SORCS3: variants seen among roughly 807,000 people sequenced by gnomAD.
The protein encoded by SORCS3 is VPS10 domain-containing receptor SorCS3.
In SORCS3, 57 loss-of-function variants were observed where a neutral mutation model predicts 146.3. The observed-to-expected ratio is 0.39, with a 90% CI of 0.31 to 0.49. The LOEUF (loss-of-function observed/expected upper bound fraction) is 0.49, where lower values mean the gene tolerates loss of function less well. Among genes scored for constraint, SORCS3 ranks in the 20% least tolerant of loss-of-function variants. The pLI, the probability that SORCS3 is intolerant of heterozygous loss-of-function variation, is 0.92. For synonymous variants in SORCS3, 653 were observed against 618.5 expected, an observed-to-expected ratio of 1.06 and a Z score of -0.83; for missense variants, 1,341 against 1,575.5, an observed-to-expected ratio of 0.85 and a Z score of 2.52.
intron 5 of SORCS3, among the ~76,000 whole-genome samples, chr10:105,053,900 A>G (rs1315334610): frequency 6.6e-6 from 1 of 152,108 alleles, no homozygotes; most frequent in African/African-American, 2.4e-5. Flanking sequence ...AGGATAGACT[A>G]CCAAACTATA....
At chr10:105,172,778 T>C (rs2056370528) in intron 13 of SORCS3, among the ~76,000 whole-genome samples, 1 of 152,224 alleles carries the variant, frequency 6.6e-6, no homozygotes, top group Non-Finnish European at 1.5e-5. Context: ...AGAAGGATGA[T>C]TTCTTTTCTT....
chr10:104,792,695 T>A (rs917705441), intron 1 of SORCS3, among the ~76,000 whole-genome samples: 3 of 152,218 alleles, frequency 2.0e-5, no homozygotes, highest in Non-Finnish European at 2.9e-5. Context: ...TTTGAAAGAT[T>A]TTTTGAAAGA....
At chr10:104,707,664 C>T (rs924064825) in intron 1 of SORCS3, among the ~76,000 whole-genome samples, 1 of 152,200 alleles carries the variant, frequency 6.6e-6, no homozygotes, top group African/African-American at 2.4e-5. Context: ...GATCCTATCC[C>T]ATGCAGGGGT....
At chr10:105,219,707 A>G (rs1198585513) in intron 19 of SORCS3, among the ~76,000 whole-genome samples, 5 of 152,186 alleles carry the variant, frequency 3.3e-5, no homozygotes, top group Non-Finnish European at 7.3e-5. Context: ...TTTGTACCTG[A>G]CATTTTTGCT....
chr10:104,920,664 C>G (rs2019078258), intron 3 of SORCS3, among the ~76,000 whole-genome samples: 1 of 152,198 alleles, frequency 6.6e-6, no homozygotes, highest in Non-Finnish European at 1.5e-5. Context: ...TTCAGCAATT[C>G]TGGGCTTCCT....
chr10:104,895,181 A>G (rs746897657), intron 2 of SORCS3, among the ~76,000 whole-genome samples: 1 of 152,188 alleles, frequency 6.6e-6, no homozygotes, highest in African/African-American at 2.4e-5. Context: ...TTCACCCAGC[A>G]TGCCATTTTT....
At chr10:104,841,389 G>A (rs1045036958) in intron 1 of SORCS3, among the ~76,000 whole-genome samples, 7 of 152,182 alleles carry the variant, frequency 4.6e-5, no homozygotes, top group African/African-American at 1.7e-4. Flanking sequence ...TAGTAGGACA[G>A]GTAGCTTGGT....
intron 6 of SORCS3, among the ~76,000 whole-genome samples, chr10:105,104,051 A>G (rs2055804430): frequency 6.6e-6 from 1 of 151,962 alleles, no homozygotes; most frequent in Non-Finnish European, 1.5e-5. Context: ...TAAAGTACCC[A>G]TAGTTTAATC....
chr10:104,667,711 T>C (rs2015798880), intron 1 of SORCS3, among the ~76,000 whole-genome samples: 1 of 152,268 alleles, frequency 6.6e-6, no homozygotes, highest in African/African-American at 2.4e-5. Flanking sequence ...TGTGTTGTTC[T>C]ACAGCTTGTT....
At chr10:105,147,088 G>A (rs1041555891) in intron 8 of SORCS3, among the ~76,000 whole-genome samples, 1 of 152,062 alleles carries the variant, frequency 6.6e-6, no homozygotes, top group Non-Finnish European at 1.5e-5. Context: ...TACAACAGAT[G>A]CAAATATTTT....
chr10:104,661,809 A>G (rs143485338), intron 1 of SORCS3, among the ~76,000 whole-genome samples: 13 of 152,354 alleles, frequency 8.5e-5, no homozygotes, highest in African/African-American at 2.9e-4. Context: ...AACAAGAAAC[A>G]GTTCAGACTT....
intron 1 of SORCS3, among the ~76,000 whole-genome samples, chr10:104,738,828 A>C (rs2016808481): frequency 6.6e-6 from 1 of 152,180 alleles, no homozygotes; most frequent in Non-Finnish European, 1.5e-5. Flanking sequence ...CAAGGTCTGA[A>C]GATATAGGAG....
At chr10:105,102,898 TC>T (rs1213026328) in intron 6 of SORCS3, among the ~76,000 whole-genome samples, 1 of 147,132 alleles carries the variant, frequency 6.8e-6, no homozygotes, top group African/African-American at 2.5e-5. Context: ...CAAGCAATTC[TC>T]CTGCCTCAGC....
intron 5 of SORCS3, among the ~76,000 whole-genome samples, chr10:105,073,105 C>T (rs1054813979): frequency 9.9e-5 from 15 of 151,798 alleles, no homozygotes; most frequent in East Asian, 2.0e-4. Context: ...CCCTACTATA[C>T]GGTGTTACTA....
intron 4 of SORCS3, among the ~76,000 whole-genome samples, chr10:105,014,896 G>A (rs1447664408): frequency 1.3e-5 from 2 of 152,116 alleles, no homozygotes; most frequent in Admixed American, 1.3e-4. Flanking sequence ...TGTATCTGCT[G>A]GTATCTTGAT....
intron 1 of SORCS3, among the ~76,000 whole-genome samples, chr10:104,820,838 A>G (rs892682421): frequency 6.6e-6 from 1 of 152,200 alleles, no homozygotes; most frequent in African/African-American, 2.4e-5. Context: ...ATCAACAGTC[A>G]TATATATAAA....
intron 1 of SORCS3, among the ~76,000 whole-genome samples, chr10:104,822,862 C>A (rs2017890634): frequency 6.6e-6 from 1 of 152,152 alleles, no homozygotes; most frequent in Admixed American, 6.6e-5. Context: ...AAATCTACAC[C>A]TACCCCAACT....
chr10:105,042,303 T>C (rs2055343288), intron 4 of SORCS3, among the ~76,000 whole-genome samples: 1 of 152,252 alleles, frequency 6.6e-6, no homozygotes, highest in Non-Finnish European at 1.5e-5. Context: ...TTTAAGTTAG[T>C]AATAACTGTC....
At chr10:104,867,420 C>G (rs550580767) in intron 2 of SORCS3, among the ~76,000 whole-genome samples, 1 of 152,114 alleles carries the variant, frequency 6.6e-6, no homozygotes, top group Admixed American at 6.5e-5. Flanking sequence ...CGCCATTCTC[C>G]TGCCTCAGCC....
Sources: allele counts gnomAD v4.1 joint callset (sites outside exome capture counted in the v4.1 genomes callset), GRCh38; gene constraint gnomAD v4.1.1; transcripts MANE v1.5; gene names NCBI Gene and HGNC (gene_info 2026-07-23, HGNC 2026-07-21).